The following CNTN5 variants were observed in gnomAD, a reference collection of about 807,000 sequenced individuals.
The protein encoded by CNTN5 is contactin 5, also known as contactin-5.
Under a neutral mutation model 129.1 loss-of-function variants are expected in CNTN5, and 77 were observed. That is an observed-to-expected ratio of 0.60 (90% CI 0.50 to 0.72). The LOEUF (loss-of-function observed/expected upper bound fraction) is 0.72, where lower values mean the gene tolerates loss of function less well. Ranked by LOEUF, CNTN5 falls within the 30% of genes least tolerant of loss-of-function variation. The pLI is 0.00. For synonymous variants in CNTN5, 509 were observed against 465.6 expected (o/e 1.09, Z -1.20); for missense variants, 1,478 against 1,328.8 (o/e 1.11, Z -1.75).
At chr11:99,309,688 GC>G (rs1865025323) in intron 1 of CNTN5, among the ~76,000 whole-genome samples, 1 of 152,136 alleles carries the variant, frequency 6.6e-6, no homozygotes, top group African/African-American at 2.4e-5. Context: ...CTACAGTGAA[GC>G]CCAGAATAAT....
chr11:99,321,353 T>C (rs1865563542), intron 1 of CNTN5, among the ~76,000 whole-genome samples: 1 of 149,332 alleles, frequency 6.7e-6, no homozygotes. Flanking sequence ...ATACATTATA[T>C]ATATATAACA....
intron 13 of CNTN5, among the ~76,000 whole-genome samples, chr11:100,172,711 G>A (rs188813989): frequency 6.4e-4 from 98 of 152,166 alleles, no homozygotes; most frequent in African/African-American, 1.7e-3. Flanking sequence ...CAGAGACCAA[G>A]TAGTGCATTA....
chr11:100,330,770 A>G (rs1177370174), intron 21 of CNTN5, among the ~76,000 whole-genome samples: 1 of 152,186 alleles, frequency 6.6e-6, no homozygotes, highest in African/African-American at 2.4e-5. Flanking sequence ...CCAGACAAAC[A>G]AATGCTGAGA....
At chr11:99,932,785 C>T (rs891841718) in intron 7 of CNTN5, among the ~76,000 whole-genome samples, 5 of 152,154 alleles carry the variant, frequency 3.3e-5, no homozygotes, top group Admixed American at 6.5e-5. Flanking sequence ...TCATTTTATC[C>T]GTTTATGGTT....
In CNTN5 at chr11:99,750,585, GA is replaced by G. The variant is rs1248400996; in HGVS notation, c.56-68949del. Among the ~76,000 whole-genome samples, 800 of 148,044 alleles carry G rather than the reference GA, an allele frequency of 5.4e-3. 11 individuals carry two copies. Among genetic ancestry groups the G allele is most frequent in the Admixed American group, 0.023 (335 of 14,858 alleles). On this transcript the variant is annotated intron_variant, in intron 3 of 24. Transcript: ENST00000524871. The stretch of plus-strand genomic sequence containing the variant: ...ACCACTCTTACCTCCTCTGTAAGGG[GA>G]AAAAAAAAAGATAATAAATTTTGTT...
chr11:99,636,414 G>T (rs1046160919), intron 3 of CNTN5, among the ~76,000 whole-genome samples: 14 of 149,508 alleles, frequency 9.4e-5, no homozygotes, highest in Non-Finnish European at 1.5e-5. Flanking sequence ...TTTGCAATTT[G>T]CTCTTCAGAT....
intron 3 of CNTN5, among the ~76,000 whole-genome samples, chr11:99,609,506 G>A (rs541471711): frequency 1.6e-4 from 25 of 152,176 alleles, no homozygotes; most frequent in Admixed American, 5.9e-4. Flanking sequence ...TCAGGGAGCC[G>A]TGGAACACAC....
intron 7 of CNTN5, among the ~76,000 whole-genome samples, chr11:99,956,560 T>C (rs1281056617): frequency 6.6e-6 from 1 of 152,208 alleles, no homozygotes; most frequent in African/African-American, 2.4e-5. Context: ...ACATGTTCAG[T>C]ACACATTGGA....
intron 3 of CNTN5, among the ~76,000 whole-genome samples, chr11:99,763,639 GAGAC>G (rs1944659223): frequency 6.6e-6 from 1 of 152,130 alleles, no homozygotes; most frequent in East Asian, 1.9e-4. Flanking sequence ...ACCTCATTAA[GAGAC>G]AGAGTTCTAA....
chr11:99,380,896 A>G (rs1170330409), intron 2 of CNTN5, among the ~76,000 whole-genome samples: 1 of 152,124 alleles, frequency 6.6e-6, no homozygotes, highest in Non-Finnish European at 1.5e-5. Flanking sequence ...GAGAACCCTG[A>G]TTATTTTGAG....
At chr11:99,802,158 A>G (rs1034988786) in intron 3 of CNTN5, among the ~76,000 whole-genome samples, 32 of 152,266 alleles carry the variant, frequency 2.1e-4, no homozygotes, top group African/African-American at 6.5e-4. Context: ...CTATAGACCT[A>G]TATTTTTCTG....
intron 2 of CNTN5, among the ~76,000 whole-genome samples, chr11:99,470,762 G>A (rs945875504): frequency 5.3e-5 from 8 of 151,850 alleles, no homozygotes; most frequent in Non-Finnish European, 7.4e-5. Flanking sequence ...TCTTGGAAAT[G>A]TGCCTAAATT....
At chr11:100,003,541 A>C (rs757966878) in intron 9 of CNTN5, among the ~76,000 whole-genome samples, 38 of 152,208 alleles carry the variant, frequency 2.5e-4, no homozygotes, top group African/African-American at 8.9e-4. Flanking sequence ...CCACAAACAA[A>C]GGGAGGTCAT....
At chr11:99,566,285 C>T (rs1003458793) in intron 3 of CNTN5, among the ~76,000 whole-genome samples, 4 of 152,192 alleles carry the variant, frequency 2.6e-5, no homozygotes, top group African/African-American at 7.2e-5. Context: ...GCTCCTCTTG[C>T]TTTCTGCCAT....
chr11:99,388,240 A>G (rs1484819483), intron 2 of CNTN5, among the ~76,000 whole-genome samples: 3 of 151,758 alleles, frequency 2.0e-5, no homozygotes, highest in Admixed American at 1.3e-4. Context: ...ACATGGTGAA[A>G]CCCCATCTCT....
intron 3 of CNTN5, among the ~76,000 whole-genome samples, chr11:99,807,039 G>A (rs1036084582): frequency 1.1e-3 from 166 of 151,884 alleles, no homozygotes; most frequent in African/African-American, 3.8e-3. Context: ...TAGGATAAAA[G>A]AAAATATTTG....
intron 21 of CNTN5, among the ~76,000 whole-genome samples, chr11:100,326,834 AAAG>A (rs1408875573): frequency 3.3e-5 from 5 of 152,220 alleles, no homozygotes; most frequent in Middle Eastern, 3.2e-3. Context: ...ACCTATCTGA[AAAG>A]AAGGAGATAG....
At chr11:100,004,411 C>T (rs1384897662) in intron 9 of CNTN5, among the ~76,000 whole-genome samples, 1 of 152,156 alleles carries the variant, frequency 6.6e-6, no homozygotes, top group East Asian at 1.9e-4. Context: ...TTCAATATCA[C>T]TCCTGAAATA....
chr11:99,930,360 G>C (rs944420453), intron 7 of CNTN5, among the ~76,000 whole-genome samples: 2 of 152,158 alleles, frequency 1.3e-5, no homozygotes, highest in Admixed American at 6.5e-5. Flanking sequence ...GACCCTTACT[G>C]TGTATGCCTG....
Sources: allele counts gnomAD v4.1 joint callset (sites outside exome capture counted in the v4.1 genomes callset), GRCh38; gene constraint gnomAD v4.1.1; transcripts MANE v1.5; gene names NCBI Gene and HGNC (gene_info 2026-07-23, HGNC 2026-07-21).